GSAP: variants seen among roughly 807,000 people sequenced by gnomAD.
GSAP encodes the protein gamma-secretase-activating protein.
GSAP carries 118 observed loss-of-function variants against 131.7 expected under a neutral mutation model. The observed-to-expected ratio is 0.90, with a 90% CI of 0.77 to 1.04. The LOEUF is 1.04. Among genes scored for constraint, GSAP ranks in the 50% least tolerant of loss-of-function variants. GSAP has a pLI of 0.00. For missense variants in GSAP, 1,019 were observed against 1,013.2 expected (o/e 1.01, Z -0.08); for synonymous variants, 381 against 363.4 (o/e 1.05, Z -0.55).
chr7:77,395,010 A>G (rs1054244631), intron 5 of GSAP, among the ~76,000 whole-genome samples: 27 of 152,244 alleles, frequency 1.8e-4, no homozygotes, highest in African/African-American at 5.5e-4. Flanking sequence ...TCATCTCACT[A>G]TAAGTGCATC....
At position 77,374,459 on chromosome 7, in the gene GSAP, T is replaced by C. The variant is rs543028886; in HGVS notation, c.786-304A>G. Among the ~76,000 whole-genome samples the C allele has an allele frequency of 6.6e-5, 10 of 152,306 alleles. No individual in the cohort carries two copies. The East Asian group carries it at 1.5e-3, about 23-fold the overall frequency. ...AGCACAGCTAAATGTTCATATATGA[T>C]GAAATAAAGCTAGTGAAATACTTAA... is the stretch of plus-strand genomic sequence containing the variant. On this transcript the variant is annotated intron_variant, in intron 11 of 30. Transcript: ENST00000257626.
At chr7:77,330,579 T>TC in intron 19 of GSAP, 1 of 1,052,716 alleles carries the variant, frequency 9.5e-7, no homozygotes, top group East Asian at 6.8e-5. Flanking sequence ...GTCTCTTTTT[T>TC]TTTTTTTTTT....
At position 77,374,092 on chromosome 7, in the gene GSAP, CAG is replaced by C. The variant is rs764923116; in HGVS notation, c.847_848del (p.Leu283ValfsTer33). 1.5e-5 allele frequency: 23 copies of C among 1,580,184 alleles called. No homozygotes were observed. In the Admixed American group the frequency reaches 1.7e-4, roughly 12 times the overall value. On this transcript the variant is annotated frameshift_variant, in exon 12 of 31. Transcript: ENST00000257626. LOFTEE classifies it high-confidence loss of function. ...TACCTGTATGGTTGGTAAAAACACA[CAG>C]AGTCAGGTGTTTGGAAAATTTATCT... ...YRDKFSKHLT[L>X]CVFTNHTGSL...
chr7:77,411,059 A>G (rs923432768), intron 1 of GSAP, among the ~76,000 whole-genome samples: 5 of 150,368 alleles, frequency 3.3e-5, no homozygotes, highest in South Asian at 2.1e-4. Context: ...GAATTAGCGG[A>G]AAAAAAAGTA....
At chr7:77,365,028 A>C (rs1011973198) in intron 12 of GSAP, among the ~76,000 whole-genome samples, 3 of 152,162 alleles carry the variant, frequency 2.0e-5, no homozygotes, top group Non-Finnish European at 4.4e-5. Flanking sequence ...TGGTGCAAAC[A>C]TGGCTCACTG....
intron 1 of GSAP, chr7:77,415,529 TG>T (rs2151248787): frequency 6.6e-6 from 1 of 152,324 alleles, no homozygotes; most frequent in East Asian, 1.9e-4. Context: ...AAGCCCGGAG[TG>T]GCAGGGCCGG....
At chr7:77,392,395 A>C (rs1168664843) in intron 5 of GSAP, among the ~76,000 whole-genome samples, 1 of 151,856 alleles carries the variant, frequency 6.6e-6, no homozygotes, top group Admixed American at 6.6e-5. Context: ...AATAACACAA[A>C]AAATTAGCCA....
chr7:77,355,527 C>T (rs760485053), intron 15 of GSAP, 28 bp downstream of exon 15: 2 of 1,556,042 alleles, frequency 1.3e-6, no homozygotes, highest in Admixed American at 1.7e-5. Context: ...AATGGGCCAC[C>T]TCTACAAGAG....
At chr7:77,392,568 T>C (rs1312285921) in intron 5 of GSAP, among the ~76,000 whole-genome samples, 1 of 151,974 alleles carries the variant, frequency 6.6e-6, no homozygotes, top group African/African-American at 2.4e-5. Context: ...AGATTATCAG[T>C]GGAGACTGGG....
chr7:77,336,264 T>C (rs1350138677), intron 19 of GSAP, among the ~76,000 whole-genome samples: 4 of 151,930 alleles, frequency 2.6e-5, no homozygotes, highest in Non-Finnish European at 5.9e-5. Flanking sequence ...AAGTCAATGC[T>C]AAGCTCTTTC....
At chr7:77,366,262 GCTT>G (rs150782121) in intron 12 of GSAP, among the ~76,000 whole-genome samples, 1,855 of 152,108 alleles carry the variant, frequency 0.012, 35 homozygotes, top group African/African-American at 0.043. Context: ...GTCAATTTTT[GCTT>G]CTTTTGTGAT....
At chr7:77,391,530 A>G (rs1799536860) in intron 5 of GSAP, among the ~76,000 whole-genome samples, 1 of 152,148 alleles carries the variant, frequency 6.6e-6, no homozygotes. Context: ...TCATTATTAA[A>G]CATAATAAAA....
rs1401169665 is a variant in GSAP at position 77,357,118 on chromosome 7, C to T, written c.1028-1471G>A. Reference sequence around the variant, plus strand: ...TGGCACTATGTCCGTGGGGTGGTGGCATTTGAAAATATATGACAGTGATTT... The same window carrying T: ...TGGCACTATGTCCGTGGGGTGGTGGTATTTGAAAATATATGACAGTGATTT... On this transcript the variant is annotated intron_variant, in intron 14 of 30. Coordinates refer to ENST00000257626, the MANE Select transcript of GSAP (RefSeq NM_017439.4). 8.5e-5 allele frequency among the ~76,000 whole-genome samples: 13 copies of T among 152,280 alleles called. No individual in the cohort carries two copies. The South Asian group carries it at 1.2e-3, about 15-fold the overall frequency.
chr7:77,403,306 GTGAATGGGTGAA>G (rs1801683183), intron 3 of GSAP, among the ~76,000 whole-genome samples: 1 of 152,206 alleles, frequency 6.6e-6, no homozygotes, highest in African/African-American at 2.4e-5. Context: ...TGTTGGATCA[GTGAATGGGTGAA>G]TGAATTAATG....
At chr7:77,389,324 TTTTG>T (rs1799076198) in intron 5 of GSAP, among the ~76,000 whole-genome samples, 5 of 148,248 alleles carry the variant, frequency 3.4e-5, no homozygotes, top group Admixed American at 1.3e-4. Context: ...GTTTGTTTTG[TTTTG>T]TTTTTTGTTT....
intron 1 of GSAP, among the ~76,000 whole-genome samples, chr7:77,408,051 A>G (rs1802607129): frequency 6.6e-6 from 1 of 152,232 alleles, no homozygotes; most frequent in African/African-American, 2.4e-5. Context: ...ACTAATGTAC[A>G]GTGTTAGATA....
At chr7:77,383,318 TCACACACACA>T (rs10539947) in intron 6 of GSAP, among the ~76,000 whole-genome samples, 3 of 150,314 alleles carry the variant, frequency 2.0e-5, no homozygotes, top group South Asian at 2.1e-4. Context: ...ATGTTCTATT[TCACACACACA>T]CACACACACA....
intron 14 of GSAP, among the ~76,000 whole-genome samples, chr7:77,358,658 T>TA (rs1450074243): frequency 1.3e-5 from 2 of 152,234 alleles, no homozygotes; most frequent in African/African-American, 4.8e-5. Flanking sequence ...TAAATATTTT[T>TA]AAATTAAGTA....
At chr7:77,391,636 C>T (rs1211892155) in intron 5 of GSAP, among the ~76,000 whole-genome samples, 1 of 151,864 alleles carries the variant, frequency 6.6e-6, no homozygotes, top group Non-Finnish European at 1.5e-5. Flanking sequence ...CCAGCCTGGG[C>T]AACATAGTGA....
Sources: gnomAD v4.1 joint callset for allele counts (sites outside exome capture counted in the v4.1 genomes callset) on GRCh38, gnomAD v4.1.1 for gene constraint, MANE v1.5 for transcripts, NCBI Gene and HGNC (gene_info 2026-07-23, HGNC 2026-07-21) for gene names.